Variants in TP53I11 observed in about 807,000 individuals in gnomAD.
TP53I11 encodes tumor protein p53-inducible protein 11.
Under a neutral mutation model 23.3 loss-of-function variants are expected in TP53I11, and 9 were observed. The ratio of observed to expected loss-of-function variants is 0.39; its 90% CI spans 0.23 to 0.67. The LOEUF (loss-of-function observed/expected upper bound fraction) is 0.67, where lower values mean the gene tolerates loss of function less well. Ranked by LOEUF, TP53I11 falls within the 30% of genes least tolerant of loss-of-function variation. The pLI is 0.48. For synonymous variants in TP53I11, 100 were observed against 106.1 expected, an observed-to-expected ratio of 0.94 and a Z score of 0.35; for missense variants, 170 against 255.2, an observed-to-expected ratio of 0.67 and a Z score of 2.27.
At chr11:44,949,052 C>T (rs1862665105) in intron 1 of TP53I11, among the ~76,000 whole-genome samples, 1 of 152,240 alleles carries the variant, frequency 6.6e-6, no homozygotes, top group African/African-American at 2.4e-5. Flanking sequence ...AAGAAGCGGC[C>T]ATGGCAGGGG....
Position 44,935,675 on chromosome 11 carries a change from AT to A in TP53I11, c.335-14del. 6.3e-5 allele frequency: 40 copies of A among 632,144 alleles called. No homozygotes were observed. The highest frequency in any genetic ancestry group is 4.2e-4 in the Admixed American group (21 of 50,372). The allele number at this position is 632,144 out of a possible 1,614,324, so 39.2% of individuals were successfully genotyped here. A position where few individuals can be genotyped will look rare whatever the true frequency, so the allele number is the denominator to read the frequency against. Reference sequence around the variant, plus strand: ...ATCAGGGAGATGCCTGGGGCGGGGGATGAAAAGGGGGCTGGGGGTGGGACAG... The same window carrying A: ...ATCAGGGAGATGCCTGGGGCGGGGGAGAAAAGGGGGCTGGGGGTGGGACAG... On this transcript the variant is annotated splice_polypyrimidine_tract_variant and intron_variant, in intron 5 of 6. Transcript: ENST00000525680.
rs704672 is a variant in TP53I11, at chr11:44,936,183, G to A, written c.335-521C>T. The stretch of plus-strand genomic sequence containing the variant: ...ACTGACTTGGCCTCTAGCAGGCCCC[G>A]CCCACCCAGTGTCTGCTGGTACCAG... On this transcript the variant is annotated intron_variant, in intron 5 of 6. Coordinates refer to ENST00000525680, the MANE Select transcript of TP53I11 (RefSeq NM_006034.5). The surrounding 1 kb of genome is among the most constrained non-coding windows in gnomAD (Gnocchi z 4.4). 7.7e-4 allele frequency: 775 copies of A among 1,009,674 alleles called. 6 individuals carry two copies. In the African/African-American group the frequency reaches 0.012, roughly 16 times the overall value. The allele number at this position is 1,009,674 out of a possible 1,614,324, so 62.5% of individuals were successfully genotyped here.
At chr11:44,937,531 C>T in intron 3 of TP53I11, 24 bp downstream of exon 3, 2 of 1,613,072 alleles carry the variant, frequency 1.2e-6, no homozygotes, top group South Asian at 1.1e-5. Flanking sequence ...TTCCCCTCCC[C>T]CAAAAAGTCA....
rs1236625302 is a variant in TP53I11, at chr11:44,934,643, G to A, written c.*241C>T. 5 of 540,446 alleles carry A rather than the reference G, an allele frequency of 9.3e-6. No individual in the cohort carries two copies. Among genetic ancestry groups the A allele is most frequent in the Non-Finnish European group, 1.3e-5 (4 of 303,844 alleles). The allele number at this position is 540,446 out of a possible 1,614,324, so 33.5% of individuals were successfully genotyped here. ...AAGGAAAGGAGGTATCACTGTGAGG[G>A]TGAAGAACAGGGCAGCAGAGGCCCT... On this transcript the variant is annotated 3_prime_UTR_variant, in exon 7 of 7. Coordinates refer to ENST00000525680, the MANE Select transcript of TP53I11 (RefSeq NM_006034.5).
intron 2 of TP53I11, among the ~76,000 whole-genome samples, chr11:44,937,887 G>A (rs1203012848): frequency 6.6e-6 from 1 of 152,200 alleles, no homozygotes; most frequent in Non-Finnish European, 1.5e-5. Flanking sequence ...GCCACTTACC[G>A]GTGTGGCCTT....
intron 1 of TP53I11, among the ~76,000 whole-genome samples, chr11:44,940,097 T>C (rs1590762682): frequency 6.6e-6 from 1 of 152,194 alleles, no homozygotes; most frequent in African/African-American, 2.4e-5. Flanking sequence ...TGCCTTCTGG[T>C]GAACCCAGAT....
Position 44,935,640 on chromosome 11 carries a change from G to A in TP53I11, c.357C>T (p.Asn119=), listed in dbSNP as rs540476445. The A allele has an allele frequency of 1.7e-4, 257 of 1,492,110 alleles. 5 individuals carry two copies. The South Asian group carries it at 2.5e-3, about 15-fold the overall frequency. 92.4% of individuals were successfully genotyped at this position (1,492,110 alleles called of 1,614,324 possible). A position where few individuals can be genotyped will look rare whatever the true frequency, so the allele number is the denominator to read the frequency against. The part of the protein sequence containing the change: ...ALLSISLIMW[N]ALYTAEKVII... The stretch of plus-strand genomic sequence containing the variant: ...TGACCTTCTCAGCCGTGTAGAGAGC[G>A]TTCCACATGATCAGGGAGATGCCTG... Residue 119 remains asparagine (N), a synonymous_variant, in exon 6 of 7, where the codon AAC becomes AAT. Transcript: ENST00000525680.
In TP53I11 at chr11:44,938,199, C is replaced by T; in HGVS notation, c.129+8G>A. The T allele has an allele frequency of 6.2e-7, 1 of 1,610,978 alleles. No homozygotes were observed. The highest frequency in any genetic ancestry group is 8.5e-7 in the Non-Finnish European group (1 of 1,178,986). On this transcript the variant is annotated splice_region_variant and intron_variant, in intron 2 of 6. Coordinates refer to ENST00000525680, the MANE Select transcript of TP53I11 (RefSeq NM_006034.5). ...GTGGGTGCCGGAGGCCCCTGCTCTGCACCCCACCTTGGAGCGATGCACCTC... is the reference window on the plus strand; with the variant it reads ...GTGGGTGCCGGAGGCCCCTGCTCTGTACCCCACCTTGGAGCGATGCACCTC...
At chr11:44,944,246 C>T in intron 1 of TP53I11, among the ~76,000 whole-genome samples, 1 of 152,186 alleles carries the variant, frequency 6.6e-6, no homozygotes, top group Non-Finnish European at 1.5e-5. Context: ...ATTGCCCCAC[C>T]TCCTCAGAAA....
rs901434295 is a variant in TP53I11 at position 44,935,757 on chromosome 11, G to T, written c.335-95C>A. ...GCTCCTGCTTCCTCTGGCCACTGCT[G>T]CAAGACAGCTGGGGTCCTGGACTCC... On this transcript the variant is annotated intron_variant, in intron 5 of 6. Coordinates refer to ENST00000525680, the MANE Select transcript of TP53I11 (RefSeq NM_006034.5). 7 of 857,638 alleles carry T rather than the reference G, an allele frequency of 8.2e-6. No homozygotes were observed. In the African/African-American group the frequency reaches 1.2e-4, roughly 14 times the overall value. 53.1% of individuals were successfully genotyped at this position (857,638 alleles called of 1,614,324 possible). A position where few individuals can be genotyped will look rare whatever the true frequency, so the allele number is the denominator to read the frequency against.
chr11:44,947,073 G>T (rs1433883088), intron 1 of TP53I11: 3 of 456,278 alleles, frequency 6.6e-6, no homozygotes, highest in Non-Finnish European at 1.3e-5. Flanking sequence ...GGGCAGAGCA[G>T]GTGGCAAGAA....
rs546838725 is a variant in TP53I11, at chr11:44,940,850, G to A, written c.-31-2484C>T. The A allele has an allele frequency of 5.9e-5, 9 of 152,334 alleles. No individual in the cohort carries two copies. In the South Asian group the frequency reaches 1.0e-3, roughly 18 times the overall value. 9.4% of individuals were successfully genotyped at this position (152,334 alleles called of 1,614,324 possible). On this transcript the variant is annotated intron_variant, in intron 1 of 6. Coordinates refer to ENST00000525680, the MANE Select transcript of TP53I11 (RefSeq NM_006034.5). The stretch of plus-strand genomic sequence containing the variant: ...TTTCCCAGAGCAGCCATGCCACTGC[G>A]TGTCCCTGGCAATGCAGTAGTGTTC...
At chr11:44,938,100 G>A (rs1861360106) in intron 2 of TP53I11, 107 bp downstream of exon 2, 13 of 1,410,418 alleles carry the variant, frequency 9.2e-6, no homozygotes, top group African/African-American at 1.5e-5. Flanking sequence ...AATCAGCTAA[G>A]TCCTAGAACT....
chr11:44,934,458 G>A lies in TP53I11; in HGVS notation c.*426C>T, dbSNP rs1318787148. ...GCTGCTTGGGCACTAGGTTGGCTGG[G>A]AGTGTAGGGAGAAGGATGGGGGGTG... On this transcript the variant is annotated 3_prime_UTR_variant, in exon 7 of 7. Coordinates refer to ENST00000525680, the MANE Select transcript of TP53I11 (RefSeq NM_006034.5). The A allele has an allele frequency of 5.7e-6, 1 of 176,926 alleles. No homozygotes were observed. The highest frequency in any genetic ancestry group is 1.4e-4 in the East Asian group (1 of 7,210). The allele number at this position is 176,926 out of a possible 1,614,324, so 11.0% of individuals were successfully genotyped here.
chr11:44,946,922 C>T (rs924805505), intron 1 of TP53I11: 1 of 434,174 alleles, frequency 2.3e-6, no homozygotes, highest in Admixed American at 2.4e-5. Context: ...GCACACAGGT[C>T]CTATCTTCCT....
At chr11:44,944,616 G>A (rs553725915) in intron 1 of TP53I11, among the ~76,000 whole-genome samples, 1 of 152,144 alleles carries the variant, frequency 6.6e-6, no homozygotes, top group Non-Finnish European at 1.5e-5. Context: ...TATTTGTAAC[G>A]ATTGGGAAAA....
chr11:44,950,552 G>A (rs1862852538), intron 1 of TP53I11, 125 bp downstream of exon 1: 1 of 151,920 alleles, frequency 6.6e-6, no homozygotes, highest in South Asian at 2.1e-4. Flanking sequence ...GCGCGCGCGG[G>A]GTCCCGGCCG....
At chr11:44,943,637 C>T (rs917958630) in intron 1 of TP53I11, among the ~76,000 whole-genome samples, 13 of 152,234 alleles carry the variant, frequency 8.5e-5, no homozygotes, top group Non-Finnish European at 1.8e-4. Flanking sequence ...CTATCTTGCA[C>T]ACAGCCCCTC....
intron 1 of TP53I11, among the ~76,000 whole-genome samples, chr11:44,944,794 C>T (rs1862230130): frequency 6.6e-6 from 1 of 152,198 alleles, no homozygotes; most frequent in Non-Finnish European, 1.5e-5. Flanking sequence ...GGAGCCTGGC[C>T]TCTGGTGTGT....
Sources: allele counts gnomAD v4.1 joint callset (sites outside exome capture counted in the v4.1 genomes callset), GRCh38; gene constraint gnomAD v4.1.1; non-coding constraint Gnocchi (gnomAD v3.1); transcripts MANE v1.5; gene names NCBI Gene and HGNC (gene_info 2026-07-23, HGNC 2026-07-21).